PUM1: variants seen among roughly 807,000 people sequenced by gnomAD.
The protein encoded by PUM1 is pumilio RNA binding family member 1.
A neutral mutation model predicts 131.8 loss-of-function variants in PUM1; 13 were observed. The observed-to-expected ratio is 0.10, with a 90% CI of 0.06 to 0.16. The LOEUF is 0.16. Among genes scored for constraint, PUM1 ranks in the 10% least tolerant of loss-of-function variants. The pLI, the probability that PUM1 is intolerant of heterozygous loss-of-function variation, is 1.00. For synonymous variants in PUM1, 509 were observed against 556.5 expected (o/e 0.91, Z 1.20); for missense variants, 961 against 1,512.4 (o/e 0.64, Z 6.05).
chr1:30,960,206 A>C (rs1233524294), intron 14 of PUM1, among the ~76,000 whole-genome samples: 1 of 152,220 alleles, frequency 6.6e-6, no homozygotes, highest in African/African-American at 2.4e-5. Flanking sequence ...AAAGTCTTTC[A>C]GATTTTGGAA....
Position 30,974,791 on chromosome 1 carries a change from C to G in PUM1, c.1366G>C (p.Val456Leu). ...AAAATLGPAV[V>L]PHQYYGVTPW... Reference sequence around the variant, plus strand: ...GTAACTCCATAATACTGGTGAGGGACCACAGCTGGGCCTAAAAATAGCAAA... The same window carrying G: ...GTAACTCCATAATACTGGTGAGGGAGCACAGCTGGGCCTAAAAATAGCAAA... The change falls in exon 10 of 22, where the codon GTC becomes CTC. Residue 456 changes from valine (V) to leucine (L), a missense_variant. Around this residue, in one of 4 missense-constraint regions of PUM1, gnomAD observed 654 missense variants for 923.9 expected, o/e 0.71. Transcript: ENST00000426105. 1 of 1,609,378 alleles carries G rather than the reference C, an allele frequency of 6.2e-7. No individual in the cohort carries two copies. The highest frequency in any genetic ancestry group is 8.5e-7 in the Non-Finnish European group (1 of 1,177,766).
chr1:30,963,472 C>T (rs1374770023), intron 14 of PUM1, among the ~76,000 whole-genome samples: 3 of 152,324 alleles, frequency 2.0e-5, no homozygotes, highest in South Asian at 2.1e-4. Context: ...AGGATACGCA[C>T]ACACATGCCA....
chr1:31,041,909 T>C (rs1422512661), intron 2 of PUM1, among the ~76,000 whole-genome samples: 1 of 152,172 alleles, frequency 6.6e-6, no homozygotes, highest in African/African-American at 2.4e-5. Flanking sequence ...CATACAGTAC[T>C]GAGTGGCTCA....
intron 14 of PUM1, among the ~76,000 whole-genome samples, chr1:30,959,724 T>C (rs945932928): frequency 6.6e-6 from 1 of 151,722 alleles, no homozygotes; most frequent in African/African-American, 2.4e-5. Context: ...TGGCTGACAC[T>C]GTGAAACCCC....
chr1:31,019,450 G>C (rs777853082), intron 3 of PUM1, among the ~76,000 whole-genome samples: 9 of 152,196 alleles, frequency 5.9e-5, no homozygotes, highest in Non-Finnish European at 1.2e-4. Context: ...AAAACGCACA[G>C]GGGTTTCCTG....
chr1:30,965,232 C>T (rs1010326377), intron 13 of PUM1, among the ~76,000 whole-genome samples: 4 of 152,076 alleles, frequency 2.6e-5, no homozygotes, highest in African/African-American at 9.7e-5. Context: ...GAATGCCTTT[C>T]ATCAATTGAA....
intron 18 of PUM1, 123 bp downstream of exon 18, chr1:30,945,223 G>T: frequency 3.6e-6 from 4 of 1,116,000 alleles, no homozygotes; most frequent in East Asian, 2.5e-5. Flanking sequence ...AACAGAGTGG[G>T]ATCCAGTCTC....
chr1:30,947,035 C>G (rs1015419730), intron 17 of PUM1, among the ~76,000 whole-genome samples: 11 of 152,220 alleles, frequency 7.2e-5, no homozygotes, highest in Admixed American at 1.3e-4. Context: ...AGGCATACCT[C>G]TAACCGTGTA....
intron 10 of PUM1, among the ~76,000 whole-genome samples, chr1:30,972,483 T>A (rs1469003125): frequency 8.3e-6 from 1 of 119,958 alleles, no homozygotes; most frequent in Non-Finnish European, 1.7e-5. Flanking sequence ...GAAATTAATT[T>A]ATTTAATAGG....
At chr1:31,064,853 G>C (rs1244121852) in intron 1 of PUM1, among the ~76,000 whole-genome samples, 1 of 132,434 alleles carries the variant, frequency 7.6e-6, no homozygotes, top group African/African-American at 2.8e-5. Flanking sequence ...TAAAACAAAT[G>C]ATCTATGTTT....
rs1491530526 is a variant in PUM1 at position 30,932,665 on chromosome 1, A to ATATATG, written c.*545_*546insCATATA. On this transcript the variant is annotated 3_prime_UTR_variant, in exon 22 of 22. Coordinates refer to ENST00000426105, the MANE Select transcript of PUM1 (RefSeq NM_001020658.2). ...TATATATATATATATATATATATAT[A>ATATATG]TTTTTTATAAACAGTGTTAAATGCC... 1.4e-5 allele frequency: 1 copy of ATATATG among 70,604 alleles called. No homozygotes were observed. Among genetic ancestry groups the ATATATG allele is most frequent in the Non-Finnish European group, 3.4e-5 (1 of 29,614 alleles). The allele number at this position is 70,604 out of a possible 1,614,324, so 4.4% of individuals were successfully genotyped here.
intron 3 of PUM1, among the ~76,000 whole-genome samples, chr1:31,013,541 T>C (rs1228114324): frequency 6.6e-6 from 1 of 152,220 alleles, no homozygotes; most frequent in African/African-American, 2.4e-5. Context: ...ACAAGCTTAG[T>C]TTCACTGGAA....
chr1:31,023,571 TC>T (rs928393125), intron 3 of PUM1, among the ~76,000 whole-genome samples: 4 of 152,158 alleles, frequency 2.6e-5, no homozygotes, highest in Non-Finnish European at 5.9e-5. Context: ...AGTATTACCA[TC>T]CCACGAACTC....
chr1:30,941,887 G>T, intron 19 of PUM1, 111 bp downstream of exon 19: 4 of 1,150,796 alleles, frequency 3.5e-6, no homozygotes, highest in Non-Finnish European at 3.7e-6. Context: ...AGATTCAAGG[G>T]TATTTAAAAC....
intron 1 of PUM1, among the ~76,000 whole-genome samples, chr1:31,064,111 T>C (rs1644428696): frequency 6.6e-6 from 1 of 152,226 alleles, no homozygotes; most frequent in Non-Finnish European, 1.5e-5. Flanking sequence ...TATCACTAAT[T>C]GAGTTGAATT....
chr1:31,000,167 G>A (rs779724412), intron 5 of PUM1, among the ~76,000 whole-genome samples: 18 of 152,186 alleles, frequency 1.2e-4, no homozygotes, highest in Non-Finnish European at 2.2e-4. Context: ...TGCAACATAA[G>A]CATCAGAAAG....
Position 30,937,088 on chromosome 1 carries a change from T to C in PUM1, c.3243-253A>G, listed in dbSNP as rs557889320. On this transcript the variant is annotated intron_variant, in intron 20 of 21. Transcript: ENST00000426105. Reference sequence around the variant, plus strand: ...TTTTTTCTCCAATCCACGGGGACTATAGAGGGTGATCAAATTATACACTGC... The same window carrying C: ...TTTTTTCTCCAATCCACGGGGACTACAGAGGGTGATCAAATTATACACTGC... Among the ~76,000 whole-genome samples, 13 of 152,096 alleles carry C rather than the reference T, an allele frequency of 8.5e-5. No individual in the cohort carries two copies. The South Asian group carries it at 2.1e-3, about 24-fold the overall frequency.
chr1:30,978,535 A>G (rs939911901), intron 9 of PUM1, among the ~76,000 whole-genome samples: 5 of 152,342 alleles, frequency 3.3e-5, no homozygotes, highest in South Asian at 2.1e-4. Context: ...AAAATCTAAG[A>G]AATGCTAGGC....
intron 2 of PUM1, among the ~76,000 whole-genome samples, chr1:31,052,138 G>A (rs527506437): frequency 1.3e-5 from 2 of 151,772 alleles, no homozygotes; most frequent in African/African-American, 2.4e-5. Context: ...TCAGACTCCC[G>A]AGTAGCTGGG....
Sources: gnomAD v4.1 joint callset for allele counts (sites outside exome capture counted in the v4.1 genomes callset) on GRCh38, gnomAD v4.1.1 for gene constraint, gnomAD v4.1.1 regional missense constraint, MANE v1.5 for transcripts, NCBI Gene and HGNC (gene_info 2026-07-23, HGNC 2026-07-21) for gene names.